Variants in GALNT13 observed in about 807,000 individuals in gnomAD.
GALNT13 encodes polypeptide N-acetylgalactosaminyltransferase 13.
GALNT13 carries 28 observed loss-of-function variants against 64.2 expected under a neutral mutation model. That is an observed-to-expected ratio of 0.44 (90% CI 0.32 to 0.60). GALNT13 has a LOEUF of 0.60. Among genes scored for constraint, GALNT13 ranks in the 20% least tolerant of loss-of-function variants. GALNT13 has a pLI of 0.05. For synonymous variants in GALNT13, 214 were observed against 224.6 expected, an observed-to-expected ratio of 0.95 and a Z score of 0.42; for missense variants, 577 against 669.8, an observed-to-expected ratio of 0.86 and a Z score of 1.53.
intron 4 of GALNT13, chr2:154,236,239 A>G: frequency 1.2e-6 from 1 of 847,562 alleles, no homozygotes; most frequent in Non-Finnish European, 1.5e-6. Context: ...CTCATGCATC[A>G]TATTTTAAAA....
chr2:153,630,915 A>C, the GALNT13 span, among the ~76,000 whole-genome samples: 1 of 148,462 alleles, frequency 6.7e-6, no homozygotes, highest in Non-Finnish European at 1.5e-5. Flanking sequence ...CACCCATTAA[A>C]TCATCATTTA....
chr2:153,252,548 T>A, the GALNT13 span, among the ~76,000 whole-genome samples: 1 of 151,224 alleles, frequency 6.6e-6, no homozygotes, highest in African/African-American at 2.4e-5. Context: ...TCCTTGCCCA[T>A]GCCTATGTCC....
chr2:153,947,149 G>T (rs1025145131), intron 3 of GALNT13, among the ~76,000 whole-genome samples: 1 of 151,860 alleles, frequency 6.6e-6, no homozygotes, highest in African/African-American at 2.4e-5. Context: ...ATGAATTTTT[G>T]ACATATTTTC....
the GALNT13 span, among the ~76,000 whole-genome samples, chr2:153,637,861 A>G: frequency 6.6e-6 from 1 of 151,978 alleles, no homozygotes; most frequent in Non-Finnish European, 1.5e-5. Context: ...GTCATTCAAT[A>G]CGAATTGGGC....
At chr2:153,104,880 TC>T in the GALNT13 span, among the ~76,000 whole-genome samples, 1 of 152,074 alleles carries the variant, frequency 6.6e-6, no homozygotes, top group East Asian at 1.9e-4. Context: ...CACTTCCTTT[TC>T]TTTTTTTTAT....
the GALNT13 span, among the ~76,000 whole-genome samples, chr2:153,647,148 T>C: frequency 6.6e-6 from 1 of 152,190 alleles, no homozygotes; most frequent in Admixed American, 6.5e-5. Flanking sequence ...TTTTTAATGA[T>C]CGCCATTCTA....
chr2:153,733,209 G>A, the GALNT13 span, among the ~76,000 whole-genome samples: 1 of 152,098 alleles, frequency 6.6e-6, no homozygotes, highest in African/African-American at 2.4e-5. Flanking sequence ...GTTATTATGG[G>A]TGAAAGTATT....
At chr2:153,268,483 G>T in the GALNT13 span, among the ~76,000 whole-genome samples, 1 of 152,192 alleles carries the variant, frequency 6.6e-6, no homozygotes, top group African/African-American at 2.4e-5. Context: ...ATGTGGGGCT[G>T]GCATTGAGTG....
chr2:153,592,277 G>C, the GALNT13 span, among the ~76,000 whole-genome samples: 1 of 152,082 alleles, frequency 6.6e-6, no homozygotes, highest in African/African-American at 2.4e-5. Flanking sequence ...ACAGTATAGA[G>C]ATTTCTCAAA....
intron 2 of GALNT13, among the ~76,000 whole-genome samples, chr2:153,906,825 A>G (rs1688598051): frequency 6.6e-6 from 1 of 151,866 alleles, no homozygotes; most frequent in African/African-American, 2.4e-5. Flanking sequence ...CGCCACACTG[A>G]CTTCCACAAT....
At chr2:153,189,210 C>T in the GALNT13 span, among the ~76,000 whole-genome samples, 1 of 152,192 alleles carries the variant, frequency 6.6e-6, no homozygotes, top group East Asian at 1.9e-4. Context: ...TTTCTTATTC[C>T]CCGTCCCATT....
the GALNT13 span, among the ~76,000 whole-genome samples, chr2:153,454,890 A>G: frequency 6.6e-6 from 1 of 152,390 alleles, no homozygotes; most frequent in Admixed American, 6.5e-5. Context: ...ATTCCATACA[A>G]TATAATCCTG....
At chr2:153,294,649 G>A in the GALNT13 span, among the ~76,000 whole-genome samples, 124,905 of 152,124 alleles carry the variant, frequency 0.82, 52,526 homozygotes, top group African/African-American at 0.9. Context: ...AAGAGAATGC[G>A]TTTGCAGAAT....
the GALNT13 span, among the ~76,000 whole-genome samples, chr2:153,152,278 A>T: frequency 6.6e-6 from 1 of 152,030 alleles, no homozygotes; most frequent in Non-Finnish European, 1.5e-5. Flanking sequence ...CCAGGGAAAT[A>T]TCATAAATGG....
chr2:154,048,828 G>A (rs1036295803), intron 3 of GALNT13, among the ~76,000 whole-genome samples: 1 of 151,976 alleles, frequency 6.6e-6, no homozygotes, highest in Non-Finnish European at 1.5e-5. Flanking sequence ...GAGTAGGAGG[G>A]AGAAATTTAA....
At chr2:153,700,663 T>C in the GALNT13 span, among the ~76,000 whole-genome samples, 17 of 152,174 alleles carry the variant, frequency 1.1e-4, no homozygotes, top group African/African-American at 3.6e-4. Context: ...ACAAAATCAA[T>C]GTGCAAAAAT....
At chr2:153,216,952 G>A in the GALNT13 span, among the ~76,000 whole-genome samples, 7 of 151,736 alleles carry the variant, frequency 4.6e-5, no homozygotes, top group African/African-American at 1.7e-4. Context: ...TTAGTTCTAT[G>A]ATCCATTTGA....
chr2:154,357,964 T>C (rs1696844500), intron 9 of GALNT13, among the ~76,000 whole-genome samples: 1 of 152,124 alleles, frequency 6.6e-6, no homozygotes, highest in African/African-American at 2.4e-5. Context: ...TCTTCTATAC[T>C]GAGTTTCTGA....
At chr2:153,722,920 T>C in the GALNT13 span, among the ~76,000 whole-genome samples, 10 of 150,998 alleles carry the variant, frequency 6.6e-5, no homozygotes, top group Admixed American at 4.6e-4. Flanking sequence ...TTCCAATCAA[T>C]AGAAAAAGAG....
Sources: allele counts gnomAD v4.1 joint callset (sites outside exome capture counted in the v4.1 genomes callset), GRCh38; gene constraint gnomAD v4.1.1; transcripts MANE v1.5; gene names NCBI Gene and HGNC (gene_info 2026-07-23, HGNC 2026-07-21).